Variants in RAPH1 observed in about 807,000 individuals in gnomAD.
RAPH1 encodes ras-associated and pleckstrin homology domains-containing protein 1.
In RAPH1, 18 loss-of-function variants were observed where a neutral mutation model predicts 88.1. The ratio of observed to expected loss-of-function variants is 0.20; its 90% CI spans 0.14 to 0.30. The LOEUF (loss-of-function observed/expected upper bound fraction) is 0.30, where lower values mean the gene tolerates loss of function less well. Among genes scored for constraint, RAPH1 ranks in the 10% least tolerant of loss-of-function variants. The pLI is 1.00. For missense variants in RAPH1, 1,448 were observed against 1,543.2 expected, an observed-to-expected ratio of 0.94 and a Z score of 1.03; for synonymous variants, 587 against 559.0, an observed-to-expected ratio of 1.05 and a Z score of -0.71.
chr2:203,441,585 A>C, intron 13 of RAPH1, 172 bp from the exon 14 acceptor site: 1 of 1,358,928 alleles, frequency 7.4e-7, no homozygotes, highest in African/African-American at 1.5e-5. Flanking sequence ...GAAGGCTAAA[A>C]TCTGATTGTG....
At chr2:203,492,619 G>C (rs1053673885) in intron 2 of RAPH1, among the ~76,000 whole-genome samples, 3 of 152,186 alleles carry the variant, frequency 2.0e-5, no homozygotes, top group African/African-American at 4.8e-5. Context: ...ATTTACAACA[G>C]AGAAATTCAG....
intron 1 of RAPH1, among the ~76,000 whole-genome samples, chr2:203,507,518 C>T (rs1689144427): frequency 6.6e-6 from 1 of 152,138 alleles, no homozygotes; most frequent in Admixed American, 6.5e-5. Context: ...ACTACAAAGG[C>T]AAACCAACAT....
intron 12 of RAPH1, chr2:203,445,895 C>G (rs1049422428): frequency 6.6e-6 from 1 of 152,122 alleles, no homozygotes; most frequent in Admixed American, 6.5e-5. Flanking sequence ...GCACAGAATT[C>G]CTACATACCC....
intron 13 of RAPH1, chr2:203,441,707 G>T: frequency 1.5e-6 from 2 of 1,303,512 alleles, no homozygotes; most frequent in Non-Finnish European, 9.7e-7. Context: ...GTGACAGGAT[G>T]CATGACTTCT....
intron 4 of RAPH1, among the ~76,000 whole-genome samples, chr2:203,476,493 GT>G (rs1345685949): frequency 6.6e-6 from 1 of 151,736 alleles, no homozygotes; most frequent in African/African-American, 2.4e-5. Flanking sequence ...TTACATTTTT[GT>G]TTCATAGTAA....
chr2:203,511,808 G>A (rs558007035), intron 1 of RAPH1, among the ~76,000 whole-genome samples: 4 of 152,096 alleles, frequency 2.6e-5, no homozygotes, highest in South Asian at 2.1e-4. Context: ...CCACACAGTC[G>A]CTAAAAGAGA....
intron 1 of RAPH1, among the ~76,000 whole-genome samples, chr2:203,520,652 G>C (rs532365308): frequency 6.6e-6 from 1 of 151,196 alleles, no homozygotes; most frequent in Admixed American, 6.6e-5. Flanking sequence ...AAAAACTACA[G>C]AACTCCTTAT....
At chr2:203,457,013 G>T (rs2098520133) in intron 8 of RAPH1, among the ~76,000 whole-genome samples, 1 of 151,854 alleles carries the variant, frequency 6.6e-6, no homozygotes, top group South Asian at 2.1e-4. Context: ...CTAGAATATG[G>T]CTTGGCAAAA....
intron 1 of RAPH1, among the ~76,000 whole-genome samples, 200 bp from the exon 2 acceptor site, chr2:203,495,553 A>G (rs1490423991): frequency 1.3e-5 from 2 of 152,190 alleles, no homozygotes; most frequent in African/African-American, 2.4e-5. Flanking sequence ...AAAGTTTCAA[A>G]TTTTTTAGGA....
chr2:203,508,972 C>A (rs2105915681), intron 1 of RAPH1, among the ~76,000 whole-genome samples: 1 of 151,660 alleles, frequency 6.6e-6, no homozygotes, highest in South Asian at 2.1e-4. Flanking sequence ...CTCAGTTAAC[C>A]TTTTTAGCTT....
intron 4 of RAPH1, among the ~76,000 whole-genome samples, chr2:203,468,386 T>C (rs940196457): frequency 2.6e-4 from 40 of 152,166 alleles, no homozygotes; most frequent in African/African-American, 8.4e-4. Flanking sequence ...TGCCAAGCTC[T>C]TTTCCTTGAC....
At position 203,434,056 on chromosome 2, in the gene RAPH1, C is replaced by CTATCTATCTATCTA. The variant is rs1488308709; in HGVS notation, c.*5380_*5381insTAGATAGATAGATA. On this transcript the variant is annotated 3_prime_UTR_variant, in exon 14 of 14. Transcript: ENST00000319170. ...CTCTCTCATATATCTATCTATCTAT[C>CTATCTATCTATCTA]TATATATATATATATATATATATAG... The CTATCTATCTATCTA allele has an allele frequency of 6.9e-6, 1 of 145,646 alleles. No homozygotes were observed. Among genetic ancestry groups the CTATCTATCTATCTA allele is most frequent in the African/African-American group, 2.5e-5 (1 of 39,222 alleles). 9.0% of individuals were successfully genotyped at this position (145,646 alleles called of 1,614,324 possible). A position where few individuals can be genotyped will look rare whatever the true frequency, so the allele number is the denominator to read the frequency against.
Position 203,489,916 on chromosome 2 carries a change from T to C in RAPH1, c.400A>G (p.Lys134Glu). 6.2e-7 allele frequency: 1 copy of C among 1,614,226 alleles called. No individual in the cohort carries two copies. Among genetic ancestry groups the C allele is most frequent in the South Asian group, 1.1e-5 (1 of 91,084 alleles). The change falls in exon 4 of 14, where the codon AAA becomes GAA. Residue 134 changes from lysine to glutamate, a missense_variant. Lys to Glu is a moderately conservative substitution (Grantham distance 56). Transcript: ENST00000319170. ...CTATTAGATGAAGAAGATAATCCTT[T>C]CAAGGTGCCATGTTTCAATGTATGT... Reference protein sequence around the residue: ...SRHTLKHGTLKGLSSSSNRIA... With the variant: ...SRHTLKHGTLEGLSSSSNRIA...
chr2:203,441,392 G>T lies in RAPH1; in HGVS notation c.1798C>A (p.Arg600=), dbSNP rs780089750. The T allele has an allele frequency of 1.9e-6, 3 of 1,561,978 alleles. No homozygotes were observed. The highest frequency in any genetic ancestry group is 2.6e-6 in the Non-Finnish European group (3 of 1,156,606). Reference sequence around the variant, plus strand: ...GGGGGCACAAGTGAAGTGTAGGGCCGATTCATAGACTCCATTCTGGCCTAA... The same window carrying T: ...GGGGGCACAAGTGAAGTGTAGGGCCTATTCATAGACTCCATTCTGGCCTAA... The part of the protein sequence containing the change: ...SSKARMESMN[R]PYTSLVPPLS... Residue 600 remains arginine, a synonymous_variant, in exon 14 of 14, where the codon CGG becomes AGG. Transcript: ENST00000319170.
At chr2:203,461,158 T>C (rs1271906593) in intron 6 of RAPH1, 91 bp downstream of exon 6, 3 of 579,764 alleles carry the variant, frequency 5.2e-6, no homozygotes, top group Non-Finnish European at 7.8e-6. Context: ...TATATATATA[T>C]ATAAAGATAA....
At chr2:203,457,835 C>A (rs2098521018) in intron 7 of RAPH1, among the ~76,000 whole-genome samples, 1 of 152,140 alleles carries the variant, frequency 6.6e-6, no homozygotes, top group African/African-American at 2.4e-5. Context: ...CATAAACTGT[C>A]CTTACCCAGA....
chr2:203,533,109 T>TA (rs553847543), intron 1 of RAPH1, among the ~76,000 whole-genome samples: 1 of 152,042 alleles, frequency 6.6e-6, no homozygotes. Flanking sequence ...CTTTGGAAAA[T>TA]AAAGAGTTAA....
In RAPH1 at chr2:203,448,360, C is replaced by T. The variant is rs2098511829; in HGVS notation, c.1513-281G>A. 6.6e-6 allele frequency among the ~76,000 whole-genome samples: 1 copy of T among 152,170 alleles called. No homozygotes were observed. Among genetic ancestry groups the T allele is most frequent in the Non-Finnish European group, 1.5e-5 (1 of 68,036 alleles). On this transcript the variant is annotated intron_variant, in intron 11 of 13. Coordinates refer to ENST00000319170, the MANE Select transcript of RAPH1 (RefSeq NM_213589.3). This position sits in a 1 kb window ranked among gnomAD's most constrained non-coding sequence, Gnocchi z 4.1. ...TTGATCCAAGGGCAGCTTTTTAGCA[C>T]TCTTCAGGATACTGCTCCAAATGTG...
At position 203,448,104 on chromosome 2, in the gene RAPH1, A is replaced by T. The variant is rs2098511598; in HGVS notation, c.1513-25T>A. 1 of 1,611,174 alleles carries T rather than the reference A, an allele frequency of 6.2e-7. No homozygotes were observed. Among genetic ancestry groups the T allele is most frequent in the African/African-American group, 1.3e-5 (1 of 74,828 alleles). ...ACTAAAGAGAAGACAGGAAATGGTG[A>T]CATCTAAACTTTACTGAGTATGATA... is the stretch of plus-strand genomic sequence containing the variant. On this transcript the variant is annotated intron_variant, in intron 11 of 13. Transcript: ENST00000319170. This position sits in a 1 kb window ranked among gnomAD's most constrained non-coding sequence, Gnocchi z 4.1.
Sources: gnomAD v4.1 joint callset for allele counts (sites outside exome capture counted in the v4.1 genomes callset) on GRCh38, gnomAD v4.1.1 for gene constraint, Gnocchi (gnomAD v3.1) non-coding constraint, MANE v1.5 for transcripts, NCBI Gene and HGNC (gene_info 2026-07-23, HGNC 2026-07-21) for gene names.